The following KAZN variants were observed in gnomAD, a reference collection of about 807,000 sequenced individuals.
KAZN encodes kazrin.
A neutral mutation model predicts 87.4 loss-of-function variants in KAZN; 40 were observed. The observed-to-expected ratio is 0.46, with a 90% CI of 0.36 to 0.60. The LOEUF is 0.60. Among genes scored for constraint, KAZN ranks in the 20% least tolerant of loss-of-function variants. KAZN has a pLI of 0.00. For missense variants in KAZN, 898 were observed against 1,073.9 expected (o/e 0.84, Z 2.29); for synonymous variants, 466 against 458.3 (o/e 1.02, Z -0.22).
At chr1:14,129,619 G>A (rs1374527254) in intron 1 of KAZN, among the ~76,000 whole-genome samples, 1 of 152,168 alleles carries the variant, frequency 6.6e-6, no homozygotes, top group African/African-American at 2.4e-5. Flanking sequence ...GCACCTTGTT[G>A]GGGCTCACTC....
At chr1:14,469,830 C>G (rs561465821) in intron 2 of KAZN, among the ~76,000 whole-genome samples, 1 of 152,314 alleles carries the variant, frequency 6.6e-6, no homozygotes, top group East Asian at 1.9e-4. Context: ...AGATTTGGGA[C>G]TAACCTCAGA....
chr1:14,215,891 T>TTC (rs1344566945), intron 2 of KAZN, among the ~76,000 whole-genome samples: 2 of 152,192 alleles, frequency 1.3e-5, no homozygotes, highest in African/African-American at 4.8e-5. Context: ...TTCATCCAAC[T>TTC]TCTACAGGAA....
At chr1:14,806,204 G>C (rs988614483) in intron 1 of KAZN, among the ~76,000 whole-genome samples, 1 of 152,140 alleles carries the variant, frequency 6.6e-6, no homozygotes, top group African/African-American at 2.4e-5. Flanking sequence ...ATCTCCCCCA[G>C]GTACTCAGAC....
At chr1:14,220,288 T>C (rs1051923902) in intron 2 of KAZN, among the ~76,000 whole-genome samples, 3 of 152,218 alleles carry the variant, frequency 2.0e-5, no homozygotes, top group African/African-American at 7.2e-5. Context: ...AAAATTGATA[T>C]GCCCAAAATT....
intron 2 of KAZN, among the ~76,000 whole-genome samples, chr1:15,018,143 G>GC (rs1553173867): frequency 1.3e-5 from 2 of 151,954 alleles, no homozygotes; most frequent in Non-Finnish European, 2.9e-5. Flanking sequence ...GAAGTCTAAA[G>GC]TGTGTACGTC....
At chr1:14,698,690 CT>C (rs1204464447) in intron 1 of KAZN, among the ~76,000 whole-genome samples, 1 of 152,252 alleles carries the variant, frequency 6.6e-6, no homozygotes, top group Non-Finnish European at 1.5e-5. Flanking sequence ...TCTACCTCTG[CT>C]GCTAAAACAC....
At chr1:14,658,660 C>T (rs1246310715) in intron 1 of KAZN, among the ~76,000 whole-genome samples, 1 of 148,288 alleles carries the variant, frequency 6.7e-6, no homozygotes, top group Non-Finnish European at 1.5e-5. Context: ...GTTTGGCTCT[C>T]TAAGCCATCT....
chr1:14,467,350 G>C (rs1668218220), intron 2 of KAZN, among the ~76,000 whole-genome samples: 1 of 148,192 alleles, frequency 6.7e-6, no homozygotes, highest in African/African-American at 2.5e-5. Context: ...AAACAACAAG[G>C]AAAATAAAAT....
chr1:14,905,737 G>A (rs1656452804), intron 1 of KAZN, among the ~76,000 whole-genome samples: 1 of 151,486 alleles, frequency 6.6e-6, no homozygotes, highest in South Asian at 2.1e-4. Flanking sequence ...CCGGCTACTC[G>A]GGAGGCTGAG....
intron 1 of KAZN, among the ~76,000 whole-genome samples, chr1:14,800,657 T>G (rs7530849): frequency 0.17 from 26,571 of 152,124 alleles, 2,533 homozygotes; most frequent in African/African-American, 0.22. Context: ...CGAGCCATGA[T>G]TGCAACACCA....
At chr1:14,690,358 A>G (rs568362179) in intron 1 of KAZN, among the ~76,000 whole-genome samples, 1 of 152,356 alleles carries the variant, frequency 6.6e-6, no homozygotes, top group South Asian at 2.1e-4. Flanking sequence ...TAGGGAGGCC[A>G]CTAAGCTGAA....
Position 15,034,880 on chromosome 1 carries a change from C to A in KAZN, c.550C>A (p.Arg184Ser). 3.1e-6 allele frequency: 5 copies of A among 1,613,740 alleles called. No homozygotes were observed. In the South Asian group the frequency reaches 4.4e-5, roughly 14 times the overall value. The part of the protein sequence containing the change: ...RDFIRNYEQH[R>S]KESEDAVKAL... ...CTTCATCCGCAACTATGAGCAGCAC[C>A]GCAAGGTCAGCCGCCGCCCTGCCCT... Residue 184 changes from arginine to serine, a missense_variant, in exon 3 of 15, where the codon CGC (arginine) becomes AGC (serine). Physicochemically the swap from Arg to Ser is moderately radical, Grantham distance 110. This residue lies in a region of KAZN where 250 missense variants were observed against 263.0 expected (regional missense o/e 0.95). Transcript: ENST00000376030.
intron 2 of KAZN, among the ~76,000 whole-genome samples, chr1:14,425,397 A>C (rs1219409512): frequency 2.0e-5 from 3 of 152,218 alleles, no homozygotes; most frequent in Admixed American, 6.5e-5. Context: ...AAGAAGGTTC[A>C]TTGTGAGTTC....
chr1:14,508,345 C>A (rs1434844353), intron 2 of KAZN, among the ~76,000 whole-genome samples: 1 of 152,140 alleles, frequency 6.6e-6, no homozygotes, highest in Non-Finnish European at 1.5e-5. Context: ...CAACAGATTA[C>A]CCCCAAGACT....
At chr1:14,994,068 T>C (rs1165774928) in intron 2 of KAZN, among the ~76,000 whole-genome samples, 1 of 152,242 alleles carries the variant, frequency 6.6e-6, no homozygotes, top group East Asian at 1.9e-4. Flanking sequence ...AGTCCTCTGC[T>C]TTGATCCCTG....
intron 1 of KAZN, among the ~76,000 whole-genome samples, chr1:14,915,761 T>G (rs924853625): frequency 2.0e-5 from 3 of 152,198 alleles, no homozygotes; most frequent in African/African-American, 7.2e-5. Context: ...GAGTCCTTTT[T>G]GTCTCCCTAA....
intron 2 of KAZN, among the ~76,000 whole-genome samples, chr1:15,010,384 T>C (rs1669455259): frequency 1.4e-5 from 2 of 139,018 alleles, no homozygotes; most frequent in South Asian, 4.7e-4. Flanking sequence ...CTGGTTGTCT[T>C]GCTTTTTTTT....
At chr1:14,392,757 T>C (rs1037647471) in intron 2 of KAZN, among the ~76,000 whole-genome samples, 1 of 150,958 alleles carries the variant, frequency 6.6e-6, no homozygotes, top group African/African-American at 2.4e-5. Flanking sequence ...GGTGTGGGGG[T>C]GGGGGGACAA....
chr1:14,692,204 T>C (rs1641356583), intron 1 of KAZN: 2 of 480,344 alleles, frequency 4.2e-6, no homozygotes, highest in Non-Finnish European at 7.2e-6. Flanking sequence ...CTTTTTCACT[T>C]TCTAACATCT....
Sources: allele counts gnomAD v4.1 joint callset (sites outside exome capture counted in the v4.1 genomes callset), GRCh38; gene constraint gnomAD v4.1.1; regional missense constraint gnomAD v4.1.1; transcripts MANE v1.5; gene names NCBI Gene and HGNC (gene_info 2026-07-23, HGNC 2026-07-21).